Variants in PARD3 observed in about 807,000 individuals in gnomAD.
PARD3 encodes par-3 family cell polarity regulator, also known as partitioning defective 3 homolog.
Under a neutral mutation model 155.4 loss-of-function variants are expected in PARD3, and 75 were observed. The observed-to-expected ratio is 0.48, with a 90% confidence interval of 0.40 to 0.58. The LOEUF (loss-of-function observed/expected upper bound fraction) is 0.58. Among genes scored for constraint, PARD3 ranks in the 20% least tolerant of loss-of-function variants. PARD3 has a pLI of 0.00. For missense variants in PARD3, 1,642 were observed against 1,721.7 expected, an observed-to-expected ratio of 0.95 and a Z score of 0.82; for synonymous variants, 576 against 610.5, an observed-to-expected ratio of 0.94 and a Z score of 0.83.
At chr10:34,474,396 T>C (rs2078566062) in intron 3 of PARD3, among the ~76,000 whole-genome samples, 1 of 152,214 alleles carries the variant, frequency 6.6e-6, no homozygotes, top group African/African-American at 2.4e-5. Context: ...TGTGCTTCTA[T>C]CTGATGGATC....
At chr10:34,207,739 GT>G (rs1951546569) in intron 22 of PARD3, among the ~76,000 whole-genome samples, 2 of 152,082 alleles carry the variant, frequency 1.3e-5, no homozygotes, top group African/African-American at 2.4e-5. Context: ...TTTACCAAGA[GT>G]TTCGTTTTAA....
At chr10:34,606,406 T>G (rs949475731) in intron 2 of PARD3, among the ~76,000 whole-genome samples, 1 of 151,856 alleles carries the variant, frequency 6.6e-6, no homozygotes, top group African/African-American at 2.4e-5. Context: ...CCAGTTCCCC[T>G]CCTCAAATCT....
chr10:34,615,937 A>T (rs999411061), intron 2 of PARD3, among the ~76,000 whole-genome samples: 19 of 152,276 alleles, frequency 1.2e-4, no homozygotes, highest in African/African-American at 4.6e-4. Flanking sequence ...AAAGACAAAA[A>T]ATAACAGATG....
intron 21 of PARD3, among the ~76,000 whole-genome samples, chr10:34,276,648 T>A (rs529497571): frequency 6.6e-6 from 1 of 152,274 alleles, no homozygotes; most frequent in South Asian, 2.1e-4. Context: ...AGGTACCAGG[T>A]ACGGGAATAA....
At chr10:34,525,658 A>C (rs2082422516) in intron 2 of PARD3, among the ~76,000 whole-genome samples, 1 of 152,226 alleles carries the variant, frequency 6.6e-6, no homozygotes, top group African/African-American at 2.4e-5. Context: ...ATGATAAATA[A>C]GAGAATCCCT....
chr10:34,136,655 A>G (rs1233293253), intron 22 of PARD3, among the ~76,000 whole-genome samples: 2 of 152,178 alleles, frequency 1.3e-5, no homozygotes, highest in African/African-American at 4.8e-5. Context: ...GTACAGGAGA[A>G]GAAAAGCTGC....
chr10:34,566,228 A>C (rs1176030330), intron 2 of PARD3, among the ~76,000 whole-genome samples: 1 of 152,228 alleles, frequency 6.6e-6, no homozygotes, highest in Admixed American at 6.5e-5. Context: ...TGTATTCCTG[A>C]AAGGGATGTG....
intron 7 of PARD3, among the ~76,000 whole-genome samples, chr10:34,391,747 C>T (rs1842889515): frequency 6.6e-6 from 1 of 152,150 alleles, no homozygotes; most frequent in Non-Finnish European, 1.5e-5. Context: ...TTTTAACCAC[C>T]TTCTAATTAA....
intron 2 of PARD3, among the ~76,000 whole-genome samples, chr10:34,662,868 T>A (rs1319531868): frequency 2.6e-5 from 3 of 117,246 alleles, no homozygotes; most frequent in Admixed American, 8.1e-5. Context: ...AGAAACTGTC[T>A]CAGAAAAAAA....
chr10:34,474,446 T>C (rs2078569747), intron 3 of PARD3, among the ~76,000 whole-genome samples: 1 of 152,240 alleles, frequency 6.6e-6, no homozygotes, highest in African/African-American at 2.4e-5. Flanking sequence ...TATGATTTCT[T>C]CTTGGATTTA....
chr10:34,119,540 G>C, intron 24 of PARD3, 73 bp downstream of exon 24: 1 of 1,442,296 alleles, frequency 6.9e-7, no homozygotes. Flanking sequence ...ACTTGGGAAG[G>C]AGCGCGTTCC....
rs113171999 is a variant in PARD3, at chr10:34,245,430, G to A, written c.3419+24227C>T. On this transcript the variant is annotated intron_variant, in intron 22 of 24. Coordinates refer to ENST00000374788, the MANE Select transcript of PARD3 (RefSeq NM_001184785.2). ...GTAAGTTGGACTTGATTCTGCCGTC[G>A]TTCTTTGGAGAGGGTGAGTGAGGCC... is the stretch of plus-strand genomic sequence containing the variant. Among the ~76,000 whole-genome samples, 6 of 150,996 alleles carry A rather than the reference G, an allele frequency of 4.0e-5. No homozygotes were observed. In the South Asian group the frequency reaches 8.6e-4, roughly 22 times the overall value.
intron 23 of PARD3, among the ~76,000 whole-genome samples, chr10:34,128,451 C>T (rs1163417671): frequency 1.3e-5 from 2 of 152,142 alleles, no homozygotes; most frequent in Non-Finnish European, 2.9e-5. Flanking sequence ...GCATATAATA[C>T]ATAAAATGTA....
rs11463688 is a variant in PARD3 at position 34,579,268 on chromosome 10, C to CAA, written c.223-62111_223-62110dup. Among the ~76,000 whole-genome samples the CAA allele has an allele frequency of 6.7e-3, 912 of 136,138 alleles. 4 individuals carry two copies. Among genetic ancestry groups the CAA allele is most frequent in the African/African-American group, 0.021 (784 of 38,212 alleles). The allele number at this position is 136,138 out of a possible 152,430, so 89.3% of individuals were successfully genotyped here. On this transcript the variant is annotated intron_variant, in intron 2 of 24. Coordinates refer to ENST00000374788, the MANE Select transcript of PARD3 (RefSeq NM_001184785.2). Reference sequence around the variant, plus strand: ...CTGGGCAACAGAGTGAGACTGGTCTCAAAAAAAAAAAAAAGAAAAAGAAAA... The same window carrying CAA: ...CTGGGCAACAGAGTGAGACTGGTCTCAAAAAAAAAAAAAAAAGAAAAAGAAAA...
intron 2 of PARD3, among the ~76,000 whole-genome samples, chr10:34,560,201 T>A (rs2085350695): frequency 6.6e-6 from 1 of 152,136 alleles, no homozygotes; most frequent in African/African-American, 2.4e-5. Flanking sequence ...CCAAAAACAA[T>A]TATTTTGTGG....
intron 1 of PARD3, among the ~76,000 whole-genome samples, chr10:34,785,085 T>C (rs1272752391): frequency 6.6e-6 from 1 of 152,222 alleles, no homozygotes; most frequent in Non-Finnish European, 1.5e-5. Flanking sequence ...GCAGAAAAAT[T>C]CTATATGTGG....
intron 2 of PARD3, among the ~76,000 whole-genome samples, chr10:34,543,740 T>C (rs2083824406): frequency 6.6e-6 from 1 of 152,244 alleles, no homozygotes; most frequent in Non-Finnish European, 1.5e-5. Flanking sequence ...AAAGTGGGTA[T>C]GTGCACTGTC....
At chr10:34,482,521 C>A (rs903445961) in intron 3 of PARD3, among the ~76,000 whole-genome samples, 1 of 151,908 alleles carries the variant, frequency 6.6e-6, no homozygotes, top group Non-Finnish European at 1.5e-5. Flanking sequence ...TACTCCCCAG[C>A]GACTGGCTCA....
intron 2 of PARD3, among the ~76,000 whole-genome samples, chr10:34,573,685 T>C (rs547763883): frequency 6.6e-6 from 1 of 150,598 alleles, no homozygotes; most frequent in African/African-American, 2.4e-5. Flanking sequence ...CCAGCCTGGG[T>C]GAGAGAACGA....
Sources: allele counts gnomAD v4.1 joint callset (sites outside exome capture counted in the v4.1 genomes callset), GRCh38; gene constraint gnomAD v4.1.1; transcripts MANE v1.5; gene names NCBI Gene and HGNC (gene_info 2026-07-23, HGNC 2026-07-21).